Variants in POTEG observed in about 807,000 individuals in gnomAD.
POTEG encodes ANKRD26-like family C member 2.
In POTEG, 2 loss-of-function variants were observed where a neutral mutation model predicts 49.6. That is an observed-to-expected ratio of 0.04 (90% CI 0.02 to 0.13). The LOEUF is 0.13. Among genes scored for constraint, POTEG ranks in the 10% least tolerant of loss-of-function variants. The probability of loss-of-function intolerance (pLI) is 1.00; values close to 1 mark genes in which losing one functional copy is unlikely to be tolerated. For missense variants in POTEG, 26 were observed against 545.2 expected, an observed-to-expected ratio of 0.05 and a Z score of 9.48; for synonymous variants, 7 against 186.6, an observed-to-expected ratio of 0.04 and a Z score of 7.84.
chr14:19,413,866 AAC>A (rs922006323), intron 8 of POTEG, among the ~76,000 whole-genome samples: 1 of 43,728 alleles, frequency 2.3e-5, no homozygotes, highest in African/African-American at 1.1e-4. Context: ...GACTGGTGGG[AAC>A]ACATAAATAA....
chr14:19,418,813 G>A (rs1309773042), intron 6 of POTEG, among the ~76,000 whole-genome samples: 1 of 28,352 alleles, frequency 3.5e-5, no homozygotes, highest in African/African-American at 2.3e-4. Flanking sequence ...TGTCCCCCAA[G>A]CCTTTCTCAT....
chr14:19,415,492 C>G (rs1883517997), intron 7 of POTEG, among the ~76,000 whole-genome samples: 1 of 147,686 alleles, frequency 6.8e-6, no homozygotes, highest in Admixed American at 6.7e-5. Flanking sequence ...TACTCTTTAA[C>G]CATGAATCCA....
At chr14:19,431,669 G>A (rs1884147577) in intron 1 of POTEG, among the ~76,000 whole-genome samples, 1 of 27,286 alleles carries the variant, frequency 3.7e-5, no homozygotes, top group Admixed American at 4.5e-4. Context: ...CACGATCTCG[G>A]CTCACTGCAA....
chr14:19,433,042 A>G (rs1884224913), intron 1 of POTEG, among the ~76,000 whole-genome samples: 1 of 110,800 alleles, frequency 9.0e-6, no homozygotes, highest in African/African-American at 3.7e-5. Flanking sequence ...CTCCTGCCTC[A>G]GCCTCCTGAG....
rs1276099426 is a variant in POTEG, at chr14:19,432,486, A to G, written c.521+1283T>C. On this transcript the variant is annotated intron_variant, in intron 1 of 10. Transcript: ENST00000547848. ...TATATACATATATATACATGTGTAT[A>G]TATATCTGCATATGTAAATAGGCAC... Among the ~76,000 whole-genome samples, 6 of 116,184 alleles carry G rather than the reference A, an allele frequency of 5.2e-5. No individual in the cohort carries two copies. The East Asian group carries it at 1.2e-3, about 23-fold the overall frequency. 76.2% of individuals were successfully genotyped at this position (116,184 alleles called of 152,430 possible).
rs759615999 is a variant in POTEG, at chr14:19,434,158, G to C, written c.132C>G (p.Gly44=). Residue 44 remains glycine, a synonymous_variant, in exon 1 of 11, where the codon GGC becomes GGG. Coordinates refer to ENST00000547848, the MANE Select transcript of POTEG (RefSeq NM_001005356.3). ...CAGAATCGTCGTGGTCTCCAGAAGTGCCCACGTTGCTCTTGCCGCTCCCCC... is the reference window on the plus strand; with the variant it reads ...CAGAATCGTCGTGGTCTCCAGAAGTCCCCACGTTGCTCTTGCCGCTCCCCC... ...WCRGSGKSNV[G]TSGDHDDSAM... 1 of 1,610,586 alleles carries C rather than the reference G, an allele frequency of 6.2e-7. No homozygotes were observed. The highest frequency in any genetic ancestry group is 1.7e-5 in the Admixed American group (1 of 59,726).
At chr14:19,416,261 A>C in intron 7 of POTEG, 27 bp downstream of exon 7, 1 of 1,579,392 alleles carries the variant, frequency 6.3e-7, no homozygotes. Context: ...CGTTAAACCA[A>C]AAGTTTAAAT....
intron 6 of POTEG, among the ~76,000 whole-genome samples, chr14:19,419,890 C>T (rs1883685350): frequency 7.2e-6 from 1 of 139,758 alleles, no homozygotes; most frequent in African/African-American, 2.9e-5. Context: ...AGCATTCTAC[C>T]TGGTAAACTT....
chr14:19,433,555 G>A (rs1376300792), intron 1 of POTEG, among the ~76,000 whole-genome samples: 24 of 125,798 alleles, frequency 1.9e-4, no homozygotes, highest in South Asian at 2.9e-4. Context: ...GTTCTAGGAG[G>A]GAAATTATAA....
Position 19,432,459 on chromosome 14 carries a change from C to T in POTEG, c.521+1310G>A, listed in dbSNP as rs28670744. On this transcript the variant is annotated intron_variant, in intron 1 of 10. Coordinates refer to ENST00000547848, the MANE Select transcript of POTEG (RefSeq NM_001005356.3). ...ATATATATATATACATATATATATACATATATACATATATATACATGTGTA... is the reference window on the plus strand; with the variant it reads ...ATATATATATATACATATATATATATATATATACATATATATACATGTGTA... 2.4e-3 allele frequency among the ~76,000 whole-genome samples: 80 copies of T among 33,486 alleles called. 1 individual carries two copies. The highest frequency in any genetic ancestry group is 3.1e-3 in the Non-Finnish European group (55 of 17,742). The allele number at this position is 33,486 out of a possible 152,430, so 22.0% of individuals were successfully genotyped here. A position where few individuals can be genotyped will look rare whatever the true frequency, so the allele number is the denominator to read the frequency against.
At chr14:19,415,725 G>A (rs1883529995) in intron 7 of POTEG, among the ~76,000 whole-genome samples, 1 of 151,884 alleles carries the variant, frequency 6.6e-6, no homozygotes, top group African/African-American at 2.4e-5. Flanking sequence ...ATTTCATAGT[G>A]GGTTATGTTG....
At position 19,419,813 on chromosome 14, in the gene POTEG, A is replaced by G. The variant is rs1312961713; in HGVS notation, c.1126+1811T>C. The stretch of plus-strand genomic sequence containing the variant: ...GGACAAGTGGGATCCTAGGATATCA[A>G]TGAACAAACAAAACAACTCTGGTTC... On this transcript the variant is annotated intron_variant, in intron 6 of 10. Transcript: ENST00000547848. Among the ~76,000 whole-genome samples, 274 of 108,360 alleles carry G rather than the reference A, an allele frequency of 2.5e-3. 2 individuals are homozygous for G. Among genetic ancestry groups the G allele is most frequent in the African/African-American group, 8.2e-3 (195 of 23,888 alleles). 71.1% of individuals were successfully genotyped at this position (108,360 alleles called of 152,430 possible).
At chr14:19,432,384 A>ATG (rs1338235820) in intron 1 of POTEG, among the ~76,000 whole-genome samples, 7 of 66,392 alleles carry the variant, frequency 1.1e-4, no homozygotes, top group Admixed American at 3.2e-4. Flanking sequence ...ATATATATAT[A>ATG]TATATATATA....
chr14:19,432,454 ATATACATATATACATATATATACATGTG>A (rs2139183837), intron 1 of POTEG, among the ~76,000 whole-genome samples: 1 of 120,646 alleles, frequency 8.3e-6, no homozygotes, highest in South Asian at 2.7e-4. Context: ...ATACATATAT[ATATACATATATACATATATATACATGTG>A]TATATATATC....
chr14:19,423,838 A>G lies in POTEG; in HGVS notation c.1055+327T>C, dbSNP rs61971043. 212 of 222,058 alleles carry G rather than the reference A, an allele frequency of 9.5e-4. 2 individuals carry two copies. The highest frequency in any genetic ancestry group is 2.7e-3 in the East Asian group (27 of 9,830). The allele number at this position is 222,058 out of a possible 1,614,324, so 13.8% of individuals were successfully genotyped here. ...TTTCTGATAAACTGGACATTTCAAG[A>G]CCCAAATAACTAATCAGAAAAATCA... On this transcript the variant is annotated intron_variant, in intron 5 of 10. Coordinates refer to ENST00000547848, the MANE Select transcript of POTEG (RefSeq NM_001005356.3).
chr14:19,415,259 G>T (rs1361950505), intron 7 of POTEG, among the ~76,000 whole-genome samples: 4 of 141,724 alleles, frequency 2.8e-5, no homozygotes, highest in African/African-American at 7.5e-5. Context: ...ATTTTAATCT[G>T]TCCTGATTTT....
intron 7 of POTEG, among the ~76,000 whole-genome samples, chr14:19,415,101 C>T (rs1329010279): frequency 6.9e-6 from 1 of 145,254 alleles, no homozygotes; most frequent in East Asian, 2.0e-4. Context: ...TTATTAGGAG[C>T]CGAAATCAAC....
At chr14:19,425,011 CT>C (rs1883898563) in intron 4 of POTEG, 1 of 100,186 alleles carries the variant, frequency 1.0e-5, no homozygotes, top group Non-Finnish European at 2.1e-5. Flanking sequence ...AGTGTATCCA[CT>C]TAAAACTATC....
intron 7 of POTEG, among the ~76,000 whole-genome samples, chr14:19,415,829 A>ATATTCT (rs1491555758): frequency 1.0e-5 from 1 of 96,700 alleles, no homozygotes. Flanking sequence ...ATCTATTAAA[A>ATATTCT]TTTTTTTTTT....
Sources: gnomAD v4.1 joint callset for allele counts (sites outside exome capture counted in the v4.1 genomes callset) on GRCh38, gnomAD v4.1.1 for gene constraint, MANE v1.5 for transcripts, NCBI Gene and HGNC (gene_info 2026-07-23, HGNC 2026-07-21) for gene names.